C2CD2L: variants seen among roughly 807,000 people sequenced by gnomAD.
C2CD2L encodes C2CD2 like.
C2CD2L carries 24 observed loss-of-function variants against 69.9 expected under a neutral mutation model. That is an observed-to-expected ratio of 0.34 (90% CI 0.25 to 0.48). C2CD2L has a LOEUF of 0.48. Among genes scored for constraint, C2CD2L ranks in the 20% least tolerant of loss-of-function variants. The probability of loss-of-function intolerance (pLI) is 0.99; values close to 1 mark genes in which losing one functional copy is unlikely to be tolerated. For missense variants in C2CD2L, 811 were observed against 941.5 expected, an observed-to-expected ratio of 0.86 and a Z score of 1.81; for synonymous variants, 367 against 391.0, an observed-to-expected ratio of 0.94 and a Z score of 0.72.
At chr11:119,112,123 C>T in intron 7 of C2CD2L, 2 of 573,788 alleles carry the variant, frequency 3.5e-6, no homozygotes, top group Admixed American at 6.6e-5. Flanking sequence ...GATTTGAATG[C>T]ATAGCTGAGA....
rs200204602 is a variant in C2CD2L, at chr11:119,110,816, G to A, written c.571-31G>A. 5.0e-6 allele frequency: 8 copies of A among 1,612,020 alleles called. No individual in the cohort carries two copies. Among genetic ancestry groups the A allele is most frequent in the East Asian group, 2.2e-5 (1 of 44,814 alleles). On this transcript the variant is annotated intron_variant, in intron 3 of 13. Transcript: ENST00000648610. This position sits in a 1 kb window ranked among gnomAD's most constrained non-coding sequence, Gnocchi z 5.7. ...AGGAGTCCTTGGGTAAATGGGGCAA[G>A]TCAGCCCAGTCACTTTGTTCCTGTC...
chr11:119,105,037 C>T (rs1385373479), upstream of C2CD2L, among the ~76,000 whole-genome samples: 1 of 152,210 alleles, frequency 6.6e-6, no homozygotes, highest in Non-Finnish European at 1.5e-5. Context: ...TAGAAATTCT[C>T]AAAGCATACT....
At chr11:119,104,403 A>G (rs10736496), upstream of C2CD2L, among the ~76,000 whole-genome samples, 141,122 of 152,164 alleles carry the variant, frequency 0.93, 65,667 homozygotes, top group Non-Finnish European at 0.95. Context: ...GGGAGGGTGG[A>G]AGGATGTAAT....
chr11:119,110,235 C>T lies in C2CD2L; in HGVS notation c.450+36C>T. 6.8e-7 allele frequency: 1 copy of T among 1,462,278 alleles called. No individual in the cohort carries two copies. Among genetic ancestry groups the T allele is most frequent in the African/African-American group, 1.4e-5 (1 of 71,942 alleles). 90.6% of individuals were successfully genotyped at this position (1,462,278 alleles called of 1,614,324 possible). A position where few individuals can be genotyped will look rare whatever the true frequency, so the allele number is the denominator to read the frequency against. ...GATGGGCACTGCCCTCTTTGGGGTC[C>T]AAGAAGGACTGACCCCAAGGGCTCC... On this transcript the variant is annotated intron_variant, in intron 2 of 13. Transcript: ENST00000648610. This position sits in a 1 kb window ranked among gnomAD's most constrained non-coding sequence, Gnocchi z 5.7.
At chr11:119,115,659 G>A in intron 13 of C2CD2L, 1 of 331,800 alleles carries the variant, frequency 3.0e-6, no homozygotes, top group Non-Finnish European at 5.5e-6. Context: ...ATGATTTATA[G>A]ACTTTTGGGA....
Position 119,112,462 on chromosome 11 carries a change from A to C in C2CD2L, c.1085-20A>C. The stretch of plus-strand genomic sequence containing the variant: ...GGGTCTGGCCATGGGCCCAGCTCAC[A>C]GTGCCATCCCTTTCCCCAGCCGAAC... On this transcript the variant is annotated intron_variant, in intron 8 of 13. Coordinates refer to ENST00000648610, the MANE Select transcript of C2CD2L (RefSeq NM_001290474.2). The C allele has an allele frequency of 6.2e-7, 1 of 1,613,870 alleles. No individual in the cohort carries two copies. The highest frequency in any genetic ancestry group is 8.5e-7 in the Non-Finnish European group (1 of 1,179,884).
chr11:119,106,581 T>C (rs1946594331), upstream of C2CD2L: 1 of 152,212 alleles, frequency 6.6e-6, no homozygotes, highest in Non-Finnish European at 1.5e-5. Context: ...GGATATCACA[T>C]ACTTAGAGTG....
chr11:119,111,659 C>A, intron 7 of C2CD2L, 30 bp downstream of exon 7: 1 of 1,480,174 alleles, frequency 6.8e-7, no homozygotes, highest in Non-Finnish European at 9.4e-7. Flanking sequence ...CGACCCCATG[C>A]TCCAGAGCAG....
intron 9 of C2CD2L, 36 bp from the exon 10 acceptor site, chr11:119,112,664 G>A (rs1178848324): frequency 1.1e-5 from 17 of 1,609,330 alleles, no homozygotes; most frequent in East Asian, 2.2e-5. Context: ...GGCAGTCTCC[G>A]AGGCTCTGTC....
At chr11:119,115,985 G>T in intron 13 of C2CD2L, 60 bp from the exon 14 acceptor site, 2 of 1,376,510 alleles carry the variant, frequency 1.5e-6, no homozygotes, top group Non-Finnish European at 2.0e-6. Context: ...TCGTGTCTCT[G>T]CCCCCGTCTC....
Position 119,114,433 on chromosome 11 carries a change from C to A in C2CD2L, c.1909+68C>A. 1 of 1,487,816 alleles carries A rather than the reference C, an allele frequency of 6.7e-7. No homozygotes were observed. Among genetic ancestry groups the A allele is most frequent in the Non-Finnish European group, 9.2e-7 (1 of 1,085,436 alleles). 92.2% of individuals were successfully genotyped at this position (1,487,816 alleles called of 1,614,324 possible). On this transcript the variant is annotated intron_variant, in intron 13 of 13. Transcript: ENST00000648610. The surrounding 1 kb of genome is among the most constrained non-coding windows in gnomAD (Gnocchi z 5.1). ...ACACATATCATGACCTGGGGGACCT[C>A]GAGCCAGTGTGCCTTCTCCTTCCTC...
upstream of C2CD2L, chr11:119,102,448 T>C (rs1284937535): frequency 7.6e-6 from 3 of 394,896 alleles, no homozygotes; most frequent in Admixed American, 3.1e-5. Flanking sequence ...GCGTAGATCC[T>C]TGAAAAGCCC....
At chr11:119,105,154 G>C (rs927710350), upstream of C2CD2L, among the ~76,000 whole-genome samples, 1 of 152,214 alleles carries the variant, frequency 6.6e-6, no homozygotes, top group Non-Finnish European at 1.5e-5. Context: ...TATAATTGCA[G>C]TTGCTTGCCC....
chr11:119,107,687 C>T lies in C2CD2L; in HGVS notation c.-55C>T. ...CCCGCGGCCCGCCCGGGCCATGCTC[C>T]CCCGGGGCAGCGGGTGAGCCCCAGC... is the stretch of plus-strand genomic sequence containing the variant. On this transcript the variant is annotated 5_prime_UTR_variant, in exon 1 of 14. Transcript: ENST00000648610. This position sits in a 1 kb window ranked among gnomAD's most constrained non-coding sequence, Gnocchi z 5.4. The T allele has an allele frequency of 8.3e-7, 1 of 1,199,018 alleles. No individual in the cohort carries two copies. The highest frequency in any genetic ancestry group is 1.1e-6 in the Non-Finnish European group (1 of 914,708). 74.3% of individuals were successfully genotyped at this position (1,199,018 alleles called of 1,614,324 possible). A position where few individuals can be genotyped will look rare whatever the true frequency, so the allele number is the denominator to read the frequency against.
rs1308421561 is a variant in C2CD2L, at chr11:119,116,547, G to A, written c.*291G>A. The A allele has an allele frequency of 1.1e-5, 6 of 536,682 alleles. No individual in the cohort carries two copies. In the East Asian group the frequency reaches 1.9e-4, roughly 17 times the overall value. The allele number at this position is 536,682 out of a possible 1,614,324, so 33.2% of individuals were successfully genotyped here. ...GAAGCATTTGCCTCCTGCTGAGCCTGGTCCCTGAGCGGAGTCCCAGGGTGC... is the reference window on the plus strand; with the variant it reads ...GAAGCATTTGCCTCCTGCTGAGCCTAGTCCCTGAGCGGAGTCCCAGGGTGC... On this transcript the variant is annotated 3_prime_UTR_variant, in exon 14 of 14. Transcript: ENST00000648610.
In C2CD2L at chr11:119,110,336, A is replaced by G. The variant is rs1946700617; in HGVS notation, c.450+137A>G. The G allele has an allele frequency of 2.5e-6, 2 of 804,396 alleles. No individual in the cohort carries two copies. Among genetic ancestry groups the G allele is most frequent in the South Asian group, 1.7e-5 (1 of 57,440 alleles). 49.8% of individuals were successfully genotyped at this position (804,396 alleles called of 1,614,324 possible). On this transcript the variant is annotated intron_variant, in intron 2 of 13. Transcript: ENST00000648610. The surrounding 1 kb of genome is among the most constrained non-coding windows in gnomAD (Gnocchi z 5.7). ...AAGGATTGGTTTCAGGAAGTCTGAG[A>G]ATCCCATTGAAGTTATGTGCAAAAT...
chr11:119,103,918 G>A (rs986139546), upstream of C2CD2L, among the ~76,000 whole-genome samples: 3 of 152,104 alleles, frequency 2.0e-5, no homozygotes, highest in East Asian at 1.9e-4. Flanking sequence ...AGAAACTCCC[G>A]GGAGGCAAGT....
chr11:119,108,248 T>C (rs1488629737), intron 1 of C2CD2L, 153 bp downstream of exon 1: 7 of 552,346 alleles, frequency 1.3e-5, no homozygotes, highest in Non-Finnish European at 2.2e-5. Flanking sequence ...AGGGTGCCGC[T>C]AAGGCTGGAG....
At position 119,110,566 on chromosome 11, in the gene C2CD2L, G is replaced by A. The variant is rs1457668309; in HGVS notation, c.456G>A (p.Leu152=). ...ACCCACCTCGCCGGTCTCAGGTGCT[G>A]CGTTGCCAGCTCTCTGCTGAGGAGG... ...CVDQSEHTMV[L]RCQLSAEEVR... is the part of the protein sequence containing the mutation. The change falls in exon 3 of 14, where the codon CTG becomes CTA. Residue 152 remains leucine, a synonymous_variant. Transcript: ENST00000648610. This position sits in a 1 kb window ranked among gnomAD's most constrained non-coding sequence, Gnocchi z 5.7. The A allele has an allele frequency of 6.2e-7, 1 of 1,608,108 alleles. No individual in the cohort carries two copies. The highest frequency in any genetic ancestry group is 8.5e-7 in the Non-Finnish European group (1 of 1,178,994).
Sources: gnomAD v4.1 joint callset for allele counts (sites outside exome capture counted in the v4.1 genomes callset) on GRCh38, gnomAD v4.1.1 for gene constraint, Gnocchi (gnomAD v3.1) non-coding constraint, MANE v1.5 for transcripts, NCBI Gene and HGNC (gene_info 2026-07-23, HGNC 2026-07-21) for gene names.